SCAF4: variants seen among roughly 807,000 people sequenced by gnomAD.
SCAF4 encodes SR-related CTD associated factor 4.
A neutral mutation model predicts 129.8 loss-of-function variants in SCAF4; 25 were observed. The ratio of observed to expected loss-of-function variants is 0.19; its 90% CI spans 0.14 to 0.27. The LOEUF (loss-of-function observed/expected upper bound fraction) is 0.27, where lower values mean the gene tolerates loss of function less well. Among genes scored for constraint, SCAF4 ranks in the 10% least tolerant of loss-of-function variants. SCAF4 has a pLI of 1.00. For synonymous variants in SCAF4, 551 were observed against 497.7 expected, an observed-to-expected ratio of 1.11 and a Z score of -1.43; for missense variants, 1,246 against 1,457.1, an observed-to-expected ratio of 0.86 and a Z score of 2.36.
chr21:31,705,331 G>T, intron 3 of SCAF4, 92 bp downstream of exon 3: 1 of 599,446 alleles, frequency 1.7e-6, no homozygotes, highest in Non-Finnish European at 2.9e-6. Context: ...TTTTTATGAA[G>T]TGGTTTAGAA....
intron 1 of SCAF4, among the ~76,000 whole-genome samples, chr21:31,725,861 ATT>A (rs1303033460): frequency 6.6e-6 from 1 of 152,086 alleles, no homozygotes; most frequent in African/African-American, 2.4e-5. Flanking sequence ...CTCTTTATTA[ATT>A]TTTTTGTTTT....
chr21:31,698,227 A>G (rs757415028), intron 7 of SCAF4, among the ~76,000 whole-genome samples: 3 of 152,228 alleles, frequency 2.0e-5, no homozygotes, highest in East Asian at 1.9e-4. Context: ...GAAACTGAAG[A>G]TCTATAAAGT....
chr21:31,694,594 C>G (rs1039888473), intron 10 of SCAF4, among the ~76,000 whole-genome samples: 1 of 152,132 alleles, frequency 6.6e-6, no homozygotes, highest in East Asian at 1.9e-4. Context: ...ACTAGTTAAG[C>G]CTTCAACACT....
intron 1 of SCAF4, among the ~76,000 whole-genome samples, chr21:31,722,554 T>C (rs2051095355): frequency 6.6e-6 from 1 of 152,214 alleles, no homozygotes; most frequent in Non-Finnish European, 1.5e-5. Context: ...GAAGCTGTAC[T>C]TCCTTGTACG....
Position 31,708,308 on chromosome 21 carries a change from G to A in SCAF4, c.31-1951C>T, listed in dbSNP as rs138766739. Among the ~76,000 whole-genome samples the A allele has an allele frequency of 3.0e-3, 449 of 151,140 alleles. 2 individuals carry two copies. Among genetic ancestry groups the A allele is most frequent in the African/African-American group, 0.01 (412 of 41,166 alleles). ...GGAGAATCGCTTGAACCCAGGAGGC[G>A]GACAGAGGTTGCAGTAAGCCAAGAT... On this transcript the variant is annotated intron_variant, in intron 1 of 19. Coordinates refer to ENST00000286835, the MANE Select transcript of SCAF4 (RefSeq NM_020706.2).
In SCAF4 at chr21:31,731,846, A is replaced by C. The variant is rs2051370321; in HGVS notation, c.-154T>G. ...CCGGGCAGGAAGAGGCTGCGCCCGAAGCGGCGAGGCGGGCGGCCGAGGCAG... is the reference window on the plus strand; with the variant it reads ...CCGGGCAGGAAGAGGCTGCGCCCGACGCGGCGAGGCGGGCGGCCGAGGCAG... On this transcript the variant is annotated 5_prime_UTR_variant, in exon 1 of 20. Coordinates refer to ENST00000286835, the MANE Select transcript of SCAF4 (RefSeq NM_020706.2). 1 of 838,856 alleles carries C rather than the reference A, an allele frequency of 1.2e-6. No individual in the cohort carries two copies. The highest frequency in any genetic ancestry group is 1.8e-5 in the African/African-American group (1 of 55,244). The allele number at this position is 838,856 out of a possible 1,614,324, so 52.0% of individuals were successfully genotyped here.
intron 15 of SCAF4, among the ~76,000 whole-genome samples, chr21:31,689,614 A>C (rs113719209): frequency 9.8e-4 from 147 of 150,364 alleles, no homozygotes; most frequent in African/African-American, 3.5e-3. Context: ...CTGGCCTTGA[A>C]GCTTCCTTTA....
intron 19 of SCAF4, among the ~76,000 whole-genome samples, chr21:31,679,681 G>GAGA (rs2049950746): frequency 6.6e-6 from 1 of 152,078 alleles, no homozygotes; most frequent in African/African-American, 2.4e-5. Context: ...CAGATATACT[G>GAGA]AGATGTGACT....
At chr21:31,712,622 C>T (rs1463247709) in intron 1 of SCAF4, among the ~76,000 whole-genome samples, 1 of 150,184 alleles carries the variant, frequency 6.7e-6, no homozygotes, top group African/African-American at 2.5e-5. Flanking sequence ...TCCGCCTCCC[C>T]GGTTTAAGTG....
At position 31,732,115 on chromosome 21, in the gene SCAF4, C is replaced by A. The variant is rs1212999020; in HGVS notation, c.-423G>T. On this transcript the variant is annotated 5_prime_UTR_variant, in exon 1 of 20. Coordinates refer to ENST00000286835, the MANE Select transcript of SCAF4 (RefSeq NM_020706.2). ...GCCCGAGTCCACGCCGCGCGGGGCA[C>A]CCTGGGACGGCTCAGGCCTCCCGGC... is the stretch of plus-strand genomic sequence containing the variant. 1.3e-5 allele frequency: 5 copies of A among 398,932 alleles called. No homozygotes were observed. The Admixed American group carries it at 2.2e-4, about 18-fold the overall frequency. The allele number at this position is 398,932 out of a possible 1,614,324, so 24.7% of individuals were successfully genotyped here.
At chr21:31,691,139 T>C (rs1005998986) in intron 14 of SCAF4, among the ~76,000 whole-genome samples, 186 bp from the exon 15 acceptor site, 2 of 152,162 alleles carry the variant, frequency 1.3e-5, no homozygotes, top group Non-Finnish European at 2.9e-5. Context: ...AATTCTCACT[T>C]TGTCCTAGGA....
At chr21:31,688,530 T>TG in intron 15 of SCAF4, 66 bp from the exon 16 acceptor site, 1 of 1,323,426 alleles carries the variant, frequency 7.6e-7, no homozygotes, top group African/African-American at 1.5e-5. Context: ...AATCTAGAAA[T>TG]GAAAAATGTT....
intron 7 of SCAF4, among the ~76,000 whole-genome samples, chr21:31,699,292 A>T (rs1601225104): frequency 6.6e-6 from 1 of 152,034 alleles, no homozygotes; most frequent in Non-Finnish European, 1.5e-5. Context: ...AGACAATCAT[A>T]AAAAAAACCT....
chr21:31,680,672 ACT>A (rs2049975141), intron 19 of SCAF4, among the ~76,000 whole-genome samples: 1 of 152,148 alleles, frequency 6.6e-6, no homozygotes, highest in South Asian at 2.1e-4. Context: ...TACTTTGAAA[ACT>A]CTACTTTCTA....
chr21:31,730,155 G>A (rs1218514567), intron 1 of SCAF4, among the ~76,000 whole-genome samples: 2 of 152,152 alleles, frequency 1.3e-5, no homozygotes, highest in African/African-American at 2.4e-5. Flanking sequence ...GTAGAGAAGC[G>A]GGGAAAAGAA....
At position 31,704,003 on chromosome 21, in the gene SCAF4, A is replaced by C. The variant is rs1261627187; in HGVS notation, c.160-77T>G. Reference sequence around the variant, plus strand: ...GACACCCATTATTTTCACATTTATGAAACTTTTATATATCCATCCAATGAT... The same window carrying C: ...GACACCCATTATTTTCACATTTATGCAACTTTTATATATCCATCCAATGAT... On this transcript the variant is annotated intron_variant, in intron 3 of 19. Transcript: ENST00000286835. The C allele has an allele frequency of 4.7e-6, 4 of 857,828 alleles. No individual in the cohort carries two copies. The East Asian group carries it at 1.0e-4, about 22-fold the overall frequency. The allele number at this position is 857,828 out of a possible 1,614,324, so 53.1% of individuals were successfully genotyped here.
In SCAF4 at chr21:31,696,717, G is replaced by C; in HGVS notation, c.811C>G (p.Pro271Ala). 2 of 1,613,122 alleles carry C rather than the reference G, an allele frequency of 1.2e-6. No individual in the cohort carries two copies. Among genetic ancestry groups the C allele is most frequent in the Non-Finnish European group, 1.7e-6 (2 of 1,179,468 alleles). ...TTCTTTGATTCTTCCACAGCTTCTG[G>C]CTCATCATCATAGTCAAATCTATCA... ...LLDRFDYDDE[P>A]EAVEESKKED... Residue 271 changes from proline (P) to alanine (A), a missense_variant, in exon 8 of 20, where the codon CCA (proline) becomes GCA (alanine). By Grantham distance (27) the Pro-to-Ala change is conservative. Coordinates refer to ENST00000286835, the MANE Select transcript of SCAF4 (RefSeq NM_020706.2).
intron 1 of SCAF4, among the ~76,000 whole-genome samples, chr21:31,715,211 T>C (rs1208618363): frequency 6.6e-6 from 1 of 152,194 alleles, no homozygotes; most frequent in African/African-American, 2.4e-5. Flanking sequence ...GCTCATGGCC[T>C]CTTCTTCCAT....
chr21:31,718,680 C>T (rs572779883), intron 1 of SCAF4, among the ~76,000 whole-genome samples: 1 of 152,286 alleles, frequency 6.6e-6, no homozygotes, highest in Admixed American at 6.5e-5. Context: ...TGAATGTAAA[C>T]ATTACAAAAC....
Sources: gnomAD v4.1 joint callset for allele counts (sites outside exome capture counted in the v4.1 genomes callset) on GRCh38, gnomAD v4.1.1 for gene constraint, MANE v1.5 for transcripts, NCBI Gene and HGNC (gene_info 2026-07-23, HGNC 2026-07-21) for gene names.